The following LYST variants were observed in gnomAD, a reference collection of about 807,000 sequenced individuals.
LYST encodes the protein lysosomal trafficking regulator.
Under a neutral mutation model 413.6 loss-of-function variants are expected in LYST, and 192 were observed. The ratio of observed to expected loss-of-function variants is 0.46; its 90% CI spans 0.41 to 0.52. The LOEUF (loss-of-function observed/expected upper bound fraction) is 0.52. Among genes scored for constraint, LYST ranks in the 20% least tolerant of loss-of-function variants. LYST has a pLI of 0.00. For missense variants in LYST, 3,815 were observed against 4,499.9 expected (o/e 0.85, Z 4.35); for synonymous variants, 1,525 against 1,567.3 (o/e 0.97, Z 0.64).
rs746802579 is a variant in LYST at position 235,709,290 on chromosome 1, C to T, written c.9944G>A (p.Arg3315His). The T allele has an allele frequency of 9.9e-6, 16 of 1,613,366 alleles. No homozygotes were observed. Among genetic ancestry groups the T allele is most frequent in the Admixed American group, 1.7e-5 (1 of 59,902 alleles). ...GTGATTAACCCGTTCACCATTCTGACGCACACCAAAATCAAAACCTAAAAG... is the reference window on the plus strand; with the variant it reads ...GTGATTAACCCGTTCACCATTCTGATGCACACCAAAATCAAAACCTAAAAG... The part of the protein sequence containing the change: ...VNREGFDFGV[R>H]QNGERVNHVN... The change falls in exon 44 of 53, where the codon CGT becomes CAT. Residue 3315 changes from arginine to histidine, a missense_variant. Around this residue, in one of 4 missense-constraint regions of LYST, gnomAD observed 866 missense variants for 1,156.0 expected, o/e 0.75. Transcript: ENST00000389793.
At chr1:235,808,341 A>T in intron 5 of LYST, 114 bp downstream of exon 5, 1 of 832,670 alleles carries the variant, frequency 1.2e-6, no homozygotes, top group Non-Finnish European at 1.9e-6. Context: ...TGGAGATATC[A>T]GTGTTAGAAG....
chr1:235,858,516 T>C (rs1353073841), intron 1 of LYST, among the ~76,000 whole-genome samples: 1 of 152,210 alleles, frequency 6.6e-6, no homozygotes, highest in African/African-American at 2.4e-5. Flanking sequence ...TTCTCACATC[T>C]ATGTGCCAAT....
chr1:235,848,790 A>G (rs1004748360), intron 1 of LYST, among the ~76,000 whole-genome samples: 1 of 152,154 alleles, frequency 6.6e-6, no homozygotes, highest in Non-Finnish European at 1.5e-5. Flanking sequence ...AGATGGATAC[A>G]TTCCTGGAAA....
intron 1 of LYST, among the ~76,000 whole-genome samples, chr1:235,881,394 C>A (rs956420818): frequency 1.3e-5 from 2 of 152,182 alleles, no homozygotes; most frequent in Admixed American, 6.5e-5. Flanking sequence ...ATTGAAGATG[C>A]ATATTTAACA....
At chr1:235,826,268 A>G (rs1675324930) in intron 3 of LYST, among the ~76,000 whole-genome samples, 1 of 152,232 alleles carries the variant, frequency 6.6e-6, no homozygotes, top group Non-Finnish European at 1.5e-5. Context: ...TTGCCCACAA[A>G]TTGTATGCCT....
At chr1:235,721,429 C>T (rs551688990) in intron 39 of LYST, among the ~76,000 whole-genome samples, 2 of 152,166 alleles carry the variant, frequency 1.3e-5, no homozygotes, top group East Asian at 1.9e-4. Context: ...CATATATAAA[C>T]TCTTTTTTAG....
chr1:235,848,315 A>T (rs971128760), intron 1 of LYST, among the ~76,000 whole-genome samples: 4 of 152,176 alleles, frequency 2.6e-5, no homozygotes. Context: ...GATAGAAATT[A>T]AAAAATTCTT....
At chr1:235,811,412 T>C (rs1673439085) in intron 4 of LYST, among the ~76,000 whole-genome samples, 1 of 152,232 alleles carries the variant, frequency 6.6e-6, no homozygotes. Flanking sequence ...ATACACTATA[T>C]GCCAAATGTT....
intron 1 of LYST, among the ~76,000 whole-genome samples, chr1:235,848,197 C>T (rs115804344): frequency 0.022 from 3,351 of 152,094 alleles, 126 homozygotes; most frequent in African/African-American, 0.076. Context: ...CAGACCACAG[C>T]GGCATAAAAC....
intron 20 of LYST, among the ~76,000 whole-genome samples, chr1:235,768,232 C>G (rs1668331746): frequency 6.6e-6 from 1 of 151,984 alleles, no homozygotes; most frequent in African/African-American, 2.4e-5. Context: ...TTTTTCTGGT[C>G]TCCCGGCTTG....
At chr1:235,814,488 T>C (rs1212034041) in intron 3 of LYST, among the ~76,000 whole-genome samples, 1 of 152,158 alleles carries the variant, frequency 6.6e-6, no homozygotes, top group Non-Finnish European at 1.5e-5. Context: ...AAAAGGCTTC[T>C]ATTGAAAAAT....
At position 235,800,723 on chromosome 1, in the gene LYST, A is replaced by C. The variant is rs1672120707; in HGVS notation, c.3939+148T>G. ...CTATGGAATTAGAAGATTTTGGAATACCACTTGTAGGTATTCACCTGAGGT... is the reference window on the plus strand; with the variant it reads ...CTATGGAATTAGAAGATTTTGGAATCCCACTTGTAGGTATTCACCTGAGGT... On this transcript the variant is annotated intron_variant, in intron 9 of 52. Coordinates refer to ENST00000389793, the MANE Select transcript of LYST (RefSeq NM_000081.4). The C allele has an allele frequency of 7.9e-6, 5 of 629,642 alleles. No homozygotes were observed. The South Asian group carries it at 1.0e-4, about 13-fold the overall frequency. The allele number at this position is 629,642 out of a possible 1,614,324, so 39.0% of individuals were successfully genotyped here.
chr1:235,738,354 T>C (rs1665002422), intron 31 of LYST: 3 of 1,612,266 alleles, frequency 1.9e-6, no homozygotes, highest in Non-Finnish European at 2.5e-6. Flanking sequence ...ATCTTTAAAT[T>C]CATCATTCCT....
At chr1:235,771,913 GTTTGTT>G (rs1558220343) in intron 19 of LYST, among the ~76,000 whole-genome samples, 1 of 95,182 alleles carries the variant, frequency 1.1e-5, no homozygotes, top group African/African-American at 3.8e-5. Flanking sequence ...AGGTTTTTTA[GTTTGTT>G]TTTTTTTTTT....
chr1:235,692,160 C>T (rs552169424), intron 47 of LYST, among the ~76,000 whole-genome samples: 1 of 151,292 alleles, frequency 6.6e-6, no homozygotes, highest in South Asian at 2.1e-4. Context: ...TGGTGAAACC[C>T]CGTCCCTACT....
chr1:235,682,049 G>C (rs546649677), intron 48 of LYST, among the ~76,000 whole-genome samples: 1 of 152,148 alleles, frequency 6.6e-6, no homozygotes, highest in Non-Finnish European at 1.5e-5. Context: ...TGTGGCTCAC[G>C]TCTGTAATGC....
intron 1 of LYST, among the ~76,000 whole-genome samples, chr1:235,844,803 A>G (rs1677604319): frequency 6.6e-6 from 1 of 152,224 alleles, no homozygotes; most frequent in Non-Finnish European, 1.5e-5. Context: ...TCAGATTAAT[A>G]TAATTCTCTT....
intron 24 of LYST, 132 bp downstream of exon 24, chr1:235,757,149 A>G: frequency 3.2e-6 from 2 of 621,974 alleles, no homozygotes; most frequent in East Asian, 2.9e-5. Flanking sequence ...TAAGTAACAA[A>G]CTATATTAGT....
At chr1:235,784,713 C>G (rs1328429736) in intron 14 of LYST, among the ~76,000 whole-genome samples, 1 of 152,130 alleles carries the variant, frequency 6.6e-6, no homozygotes, top group East Asian at 1.9e-4. Flanking sequence ...AATACAGTGC[C>G]TGGCACATAT....
Sources: gnomAD v4.1 joint callset for allele counts (sites outside exome capture counted in the v4.1 genomes callset) on GRCh38, gnomAD v4.1.1 for gene constraint, gnomAD v4.1.1 regional missense constraint, MANE v1.5 for transcripts, NCBI Gene and HGNC (gene_info 2026-07-23, HGNC 2026-07-21) for gene names.